DPPA2: variants seen among roughly 807,000 people sequenced by gnomAD.
DPPA2 encodes the protein developmental pluripotency-associated protein 2.
DPPA2 carries 26 observed loss-of-function variants against 36.2 expected under a neutral mutation model. That is an observed-to-expected ratio of 0.72 (90% CI 0.53 to 1.00). DPPA2 has a LOEUF of 1.00. Among genes scored for constraint, DPPA2 ranks in the 50% least tolerant of loss-of-function variants. The pLI, the probability that DPPA2 is intolerant of heterozygous loss-of-function variation, is 0.00. For synonymous variants in DPPA2, 113 were observed against 123.2 expected (o/e 0.92, Z 0.55); for missense variants, 361 against 365.1 (o/e 0.99, Z 0.09).
chr3:109,316,004 C>T (rs1707778510), intron 1 of DPPA2, among the ~76,000 whole-genome samples: 1 of 152,212 alleles, frequency 6.6e-6, no homozygotes, highest in African/African-American at 2.4e-5. Flanking sequence ...TGAATCAGAT[C>T]ATGGAGGGTG....
rs1463811556 is a variant in DPPA2 at position 109,314,112 on chromosome 3, A to G, written c.33+398T>C. ...TGACTTTATCCACATTACCGCCTTC[A>G]CTTTCTTTTCACCTTTGCTTTTAAA... On this transcript the variant is annotated intron_variant, in intron 2 of 8. Transcript: ENST00000478945. 2.6e-5 allele frequency among the ~76,000 whole-genome samples: 4 copies of G among 152,242 alleles called. No individual in the cohort carries two copies. The East Asian group carries it at 7.7e-4, about 29-fold the overall frequency.
chr3:109,305,021 C>T (rs1316843439), intron 6 of DPPA2, among the ~76,000 whole-genome samples: 1 of 152,056 alleles, frequency 6.6e-6, no homozygotes, highest in Non-Finnish European at 1.5e-5. Flanking sequence ...TGGCACATGC[C>T]TGTAATCCCA....
In DPPA2 at chr3:109,308,963, G is replaced by C. The variant is rs1405724445; in HGVS notation, c.396+63C>G. On this transcript the variant is annotated intron_variant, in intron 5 of 8. Coordinates refer to ENST00000478945, the MANE Select transcript of DPPA2 (RefSeq NM_138815.4). ...TACAACACATAGATATGGTGCGACG[G>C]TAGGGACCGGACGAATCATGATCAG... 4 of 1,589,826 alleles carry C rather than the reference G, an allele frequency of 2.5e-6. No individual in the cohort carries two copies. The East Asian group carries it at 8.9e-5, about 36-fold the overall frequency.
In DPPA2 at chr3:109,297,614, T is replaced by C. The variant is rs191297489; in HGVS notation, c.*22+2757A>G. Among the ~76,000 whole-genome samples the C allele has an allele frequency of 3.6e-3, 549 of 151,810 alleles. 2 individuals are homozygous for C. The highest frequency in any genetic ancestry group is 5.9e-3 in the Non-Finnish European group (403 of 67,970). On this transcript the variant is annotated intron_variant, in intron 8 of 8. Transcript: ENST00000478945. ...ACAATACGAAATACTAAGAAAGATA[T>C]GGTGCAACAAGAACTCTCATTCATT...
Position 109,303,659 on chromosome 3 carries a change from G to A in DPPA2, c.854+816C>T, listed in dbSNP as rs375974112. Among the ~76,000 whole-genome samples the A allele has an allele frequency of 4.7e-4, 71 of 152,054 alleles. 1 individual carries two copies. The highest frequency in any genetic ancestry group is 1.5e-3 in the African/African-American group (64 of 41,518). On this transcript the variant is annotated intron_variant, in intron 7 of 8. Transcript: ENST00000478945. The stretch of plus-strand genomic sequence containing the variant: ...GCTGGGATTACAGGCATGAGCCACC[G>A]CGCCTGGCCTTCTTACTCATTTTTA...
Position 109,309,042 on chromosome 3 carries a change from T to A in DPPA2, c.380A>T (p.Tyr127Phe). ...EVYLRLHRHA[Y>F]PEQRQDMPEM... ...ATTACTCACTTGCCGTTGTTCAGGG[T>A]AAGCATGCCTATGAAGCCTCAGATA... Residue 127 changes from tyrosine (Y) to phenylalanine (F), a missense_variant, in exon 5 of 9, where the codon TAC becomes TTC. Transcript: ENST00000478945. 1.9e-6 allele frequency: 3 copies of A among 1,614,154 alleles called. No individual in the cohort carries two copies. Among genetic ancestry groups the A allele is most frequent in the Non-Finnish European group, 2.5e-6 (3 of 1,180,040 alleles).
At chr3:109,298,906 C>T (rs1707407316) in intron 8 of DPPA2, among the ~76,000 whole-genome samples, 1 of 151,742 alleles carries the variant, frequency 6.6e-6, no homozygotes, top group Non-Finnish European at 1.5e-5. Context: ...ATTAGCTGGG[C>T]ATTATGGTGT....
chr3:109,300,154 A>G (rs991962496), intron 8 of DPPA2, among the ~76,000 whole-genome samples: 2 of 152,226 alleles, frequency 1.3e-5, no homozygotes, highest in Non-Finnish European at 2.9e-5. Context: ...AAAGATGGTC[A>G]GGACACAGCA....
At chr3:109,298,711 G>A (rs566554582) in intron 8 of DPPA2, among the ~76,000 whole-genome samples, 203 of 92,790 alleles carry the variant, frequency 2.2e-3, no homozygotes, top group African/African-American at 7.0e-3. Flanking sequence ...GTATGATTCT[G>A]TCTAAAAATA....
intron 6 of DPPA2, among the ~76,000 whole-genome samples, chr3:109,307,536 G>C (rs1707599086): frequency 1.4e-5 from 2 of 147,440 alleles, no homozygotes; most frequent in African/African-American, 5.0e-5. Context: ...CTGGGAGGCA[G>C]AGGTTGCAGT....
At chr3:109,300,197 C>T (rs759631386) in intron 8 of DPPA2, among the ~76,000 whole-genome samples, 174 bp downstream of exon 8, 6 of 152,132 alleles carry the variant, frequency 3.9e-5, no homozygotes, top group Non-Finnish European at 7.4e-5. Flanking sequence ...TATCTACAGA[C>T]GCGCCACCAT....
rs769642994 is a variant in DPPA2, at chr3:109,314,588, A to G, written c.-13-33T>C. 1.9e-6 allele frequency: 3 copies of G among 1,586,592 alleles called. No homozygotes were observed. The East Asian group carries it at 6.7e-5, about 35-fold the overall frequency. ...AGGCAAGGACAGCAATGTTAAGGAT[A>G]TGGTAGTTTACTTCTCTTAACCTGC... On this transcript the variant is annotated intron_variant, in intron 1 of 8. Coordinates refer to ENST00000478945, the MANE Select transcript of DPPA2 (RefSeq NM_138815.4).
intron 8 of DPPA2, among the ~76,000 whole-genome samples, chr3:109,295,066 A>G (rs186235467): frequency 1.3e-5 from 2 of 152,254 alleles, no homozygotes; most frequent in Admixed American, 1.3e-4. Context: ...TTTTTGATAC[A>G]AATGTCAGGT....
chr3:109,310,345 C>T (rs1286978210), intron 3 of DPPA2, among the ~76,000 whole-genome samples: 11 of 126,028 alleles, frequency 8.7e-5, no homozygotes, highest in South Asian at 3.1e-4. Context: ...GAGGCAGAGG[C>T]GGCAGCGAGC....
At position 109,309,614 on chromosome 3, in the gene DPPA2, C is replaced by T. The variant is rs1019711470; in HGVS notation, c.182-284G>A. On this transcript the variant is annotated intron_variant, in intron 3 of 8. Coordinates refer to ENST00000478945, the MANE Select transcript of DPPA2 (RefSeq NM_138815.4). ...CTGAGGCAGGAGAATGGCATGAACC[C>T]GGGAGGTAGGGTTTGCAGTGAGCCA... Among the ~76,000 whole-genome samples the T allele has an allele frequency of 3.3e-5, 5 of 151,492 alleles. No homozygotes were observed. The East Asian group carries it at 7.9e-4, about 24-fold the overall frequency.
rs1315832162 is a variant in DPPA2, at chr3:109,308,936, G to A, written c.396+90C>T. 3.4e-6 allele frequency: 5 copies of A among 1,468,846 alleles called. No homozygotes were observed. In the African/African-American group the frequency reaches 7.0e-5, roughly 21 times the overall value. The allele number at this position is 1,468,846 out of a possible 1,614,324, so 91.0% of individuals were successfully genotyped here. Reference sequence around the variant, plus strand: ...CACAGTGAAGAAACCCTGCCTTAGAGGTACAACACATAGATATGGTGCGAC... The same window carrying A: ...CACAGTGAAGAAACCCTGCCTTAGAAGTACAACACATAGATATGGTGCGAC... On this transcript the variant is annotated intron_variant, in intron 5 of 8. Coordinates refer to ENST00000478945, the MANE Select transcript of DPPA2 (RefSeq NM_138815.4).
intron 1 of DPPA2, among the ~76,000 whole-genome samples, chr3:109,316,013 T>TGAGGCTGA (rs1707778668): frequency 1.3e-5 from 2 of 151,700 alleles, no homozygotes; most frequent in South Asian, 4.2e-4. Flanking sequence ...TCATGGAGGG[T>TGAGGCTGA]GAGGCTGAGG....
rs1046413013 is a variant in DPPA2 at position 109,316,276 on chromosome 3, G to C, written c.-14+8C>G. The C allele has an allele frequency of 6.6e-6, 1 of 151,660 alleles. No homozygotes were observed. Among genetic ancestry groups the C allele is most frequent in the Non-Finnish European group, 1.5e-5 (1 of 68,262 alleles). 9.4% of individuals were successfully genotyped at this position (151,660 alleles called of 1,614,324 possible). Reference sequence around the variant, plus strand: ...CGCTAATATTTAAATTTTTTGTAGAGAGGAGACCTGGGATGGAAGGAGATT... The same window carrying C: ...CGCTAATATTTAAATTTTTTGTAGACAGGAGACCTGGGATGGAAGGAGATT... On this transcript the variant is annotated splice_region_variant and intron_variant, in intron 1 of 8. Transcript: ENST00000478945.
In DPPA2 at chr3:109,316,370, G is replaced by C. The variant is rs1195940969; in HGVS notation, c.-100C>G. On this transcript the variant is annotated 5_prime_UTR_variant, in exon 1 of 9. Transcript: ENST00000478945. Reference sequence around the variant, plus strand: ...CCAGGCTGGTCTTGAATTCCTGGCTGAGTTCCCAGACTCAAGTTGATCCTC... The same window carrying C: ...CCAGGCTGGTCTTGAATTCCTGGCTCAGTTCCCAGACTCAAGTTGATCCTC... 1.3e-5 allele frequency: 2 copies of C among 153,358 alleles called. No individual in the cohort carries two copies. Among genetic ancestry groups the C allele is most frequent in the Non-Finnish European group, 2.9e-5 (2 of 69,048 alleles). 9.5% of individuals were successfully genotyped at this position (153,358 alleles called of 1,614,324 possible).
Sources: gnomAD v4.1 joint callset for allele counts (sites outside exome capture counted in the v4.1 genomes callset) on GRCh38, gnomAD v4.1.1 for gene constraint, MANE v1.5 for transcripts, NCBI Gene and HGNC (gene_info 2026-07-23, HGNC 2026-07-21) for gene names.